The following RAB4B variants were observed in gnomAD, a reference collection of about 807,000 sequenced individuals.
RAB4B encodes the protein RAB4B, member RAS oncogene family.
Under a neutral mutation model 28.3 loss-of-function variants are expected in RAB4B, and 15 were observed. That is an observed-to-expected ratio of 0.53 (90% CI 0.35 to 0.82). The LOEUF is 0.82. Ranked by LOEUF, RAB4B falls within the 40% of genes least tolerant of loss-of-function variation. RAB4B has a pLI of 0.01. For missense variants in RAB4B, 244 were observed against 288.5 expected (o/e 0.85, Z 1.12); for synonymous variants, 108 against 116.3 (o/e 0.93, Z 0.46).
intron 5 of RAB4B, among the ~76,000 whole-genome samples, chr19:40,784,394 G>A (rs1341573118): frequency 6.6e-6 from 1 of 152,194 alleles, no homozygotes; most frequent in Non-Finnish European, 1.5e-5. Context: ...AGTGGAGGCT[G>A]AGGCAGGAGG....
intron 7 of RAB4B, chr19:40,794,403 T>G (rs1211518981): frequency 2.2e-5 from 3 of 137,474 alleles, no homozygotes. Context: ...TTTTAAATAA[T>G]GTTTTAATTT....
rs145079075 is a variant in RAB4B, at chr19:40,786,896, C to A, written c.575C>A (p.Ala192Glu). Reference sequence around the variant, plus strand: ...GGCTCTGGCATTCAGTACGGGGATGCGTCCCTCCGCCAGCTTCGGCAGCCT... The same window carrying A: ...GGCTCTGGCATTCAGTACGGGGATGAGTCCCTCCGCCAGCTTCGGCAGCCT... ...RMGSGIQYGD[A>E]SLRQLRQPRS... Residue 192 changes from alanine (A) to glutamate (E), a missense_variant, in exon 7 of 8, where the codon GCG (alanine) becomes GAG (glutamate). Transcript: ENST00000357052. 6.2e-7 allele frequency: 1 copy of A among 1,614,090 alleles called. No homozygotes were observed. Among genetic ancestry groups the A allele is most frequent in the South Asian group, 1.1e-5 (1 of 91,090 alleles).
In RAB4B at chr19:40,780,081, C is replaced by T. The variant is rs1241087753; in HGVS notation, c.79C>T (p.Gln27Ter). 6.2e-7 allele frequency: 1 copy of T among 1,611,764 alleles called. No homozygotes were observed. The highest frequency in any genetic ancestry group is 1.3e-5 in the African/African-American group (1 of 74,832). Reference protein sequence around the residue: ...AGTGKSCLLHQFIENKFKQDS... With the variant: ...AGTGKSCLLH Reference sequence around the variant, plus strand: ...AACTGGCAAATCATGTCTCCTTCATCAGTTCATTGAGAATAAGTGTGAGTT... The same window carrying T: ...AACTGGCAAATCATGTCTCCTTCATTAGTTCATTGAGAATAAGTGTGAGTT... Residue 27 changes from glutamine (Q) to a stop codon, truncating the protein, a stop_gained, in exon 2 of 8, where the codon CAG becomes TAG. Coordinates refer to ENST00000357052, the MANE Select transcript of RAB4B (RefSeq NM_016154.5). LOFTEE classifies it high-confidence loss of function.
intron 3 of RAB4B, among the ~76,000 whole-genome samples, chr19:40,783,065 G>C (rs1206003274): frequency 6.8e-6 from 1 of 147,646 alleles, no homozygotes; most frequent in Non-Finnish European, 1.5e-5. Flanking sequence ...TTGAACCCGG[G>C]AGGTGGAGGT....
At chr19:40,786,432 G>T in intron 5 of RAB4B, 1 of 540,098 alleles carries the variant, frequency 1.9e-6, no homozygotes, top group Non-Finnish European at 3.2e-6. Context: ...AGCCCAGGAA[G>T]TCAGGGAGGA....
chr19:40,780,049 G>C lies in RAB4B; in HGVS notation c.47G>C (p.Ser16Thr), dbSNP rs764996394. The C allele has an allele frequency of 3.1e-6, 5 of 1,611,174 alleles. No homozygotes were observed. The East Asian group carries it at 1.1e-4, about 36-fold the overall frequency. ...CTCTTCAAATTCCTGGTGATTGGCAGTGCAGGAACTGGCAAATCATGTCTC... is the reference window on the plus strand; with the variant it reads ...CTCTTCAAATTCCTGGTGATTGGCACTGCAGGAACTGGCAAATCATGTCTC... ...DFLFKFLVIG[S>T]AGTGKSCLLH... Residue 16 changes from serine to threonine, a missense_variant, in exon 2 of 8, where the codon AGT (serine) becomes ACT (threonine). By Grantham distance (58) the Ser-to-Thr change is moderately conservative (BLOSUM62 1). Coordinates refer to ENST00000357052, the MANE Select transcript of RAB4B (RefSeq NM_016154.5).
rs770531214 is a variant in RAB4B at position 40,786,988 on chromosome 19, T to G, written c.*15+10T>G. The stretch of plus-strand genomic sequence containing the variant: ...AGCTCTGTGGAGCCAGGTGGGACAC[T>G]GGGGGCTTTAGGGAGGCAGGGCGGC... On this transcript the variant is annotated intron_variant, in intron 7 of 7. Coordinates refer to ENST00000357052, the MANE Select transcript of RAB4B (RefSeq NM_016154.5). 2 of 1,609,556 alleles carry G rather than the reference T, an allele frequency of 1.2e-6. No homozygotes were observed. Among genetic ancestry groups the G allele is most frequent in the South Asian group, 2.2e-5 (2 of 90,890 alleles).
chr19:40,780,355 T>C (rs1434541020), intron 2 of RAB4B, 30 bp from the exon 3 acceptor site: 6 of 1,566,912 alleles, frequency 3.8e-6, no homozygotes, highest in Non-Finnish European at 5.2e-6. Context: ...TCTCTCCCTG[T>C]ACTGCCCCTT....
In RAB4B at chr19:40,783,807, C is replaced by A; in HGVS notation, c.242C>A (p.Ala81Glu). The change falls in exon 4 of 8, where the codon GCG (alanine) becomes GAG (glutamate). Residue 81 changes from alanine to glutamate, a missense_variant. Transcript: ENST00000357052. ...GTGACGCGGAGTTATTACCGAGGGG[C>A]GGCTGGAGCCCTGCTGGTGTACGAC... ...RSVTRSYYRG[A>E]AGALLVYDIT... The A allele has an allele frequency of 7.6e-7, 1 of 1,321,834 alleles. No individual in the cohort carries two copies. The highest frequency in any genetic ancestry group is 1.2e-5 in the South Asian group (1 of 82,674). 81.9% of individuals were successfully genotyped at this position (1,321,834 alleles called of 1,614,324 possible).
At chr19:40,791,201 G>C (rs73047068) in intron 7 of RAB4B, among the ~76,000 whole-genome samples, 20,939 of 151,904 alleles carry the variant, frequency 0.14, 1,645 homozygotes, top group Middle Eastern at 0.2. Flanking sequence ...TGCTCGTGAG[G>C]CTGGTCTTGA....
intron 7 of RAB4B, among the ~76,000 whole-genome samples, chr19:40,793,514 T>TA (rs1412130496): frequency 1.3e-5 from 2 of 151,854 alleles, no homozygotes; most frequent in Non-Finnish European, 2.9e-5. Flanking sequence ...GTGCTGGAAT[T>TA]ACAGGTGGGA....
intron 7 of RAB4B, among the ~76,000 whole-genome samples, chr19:40,793,367 T>C (rs1412788390): frequency 1.3e-5 from 2 of 151,864 alleles, no homozygotes; most frequent in Non-Finnish European, 2.9e-5. Flanking sequence ...CCCAAGTAAC[T>C]GGGACTACTG....
intron 3 of RAB4B, among the ~76,000 whole-genome samples, chr19:40,782,521 A>G (rs1412996303): frequency 6.6e-6 from 1 of 152,170 alleles, no homozygotes; most frequent in African/African-American, 2.4e-5. Flanking sequence ...AGAAATAGGG[A>G]ATTAAATAGG....
chr19:40,795,778 G>C (rs2083204435), intron 7 of RAB4B, among the ~76,000 whole-genome samples: 1 of 151,718 alleles, frequency 6.6e-6, no homozygotes, highest in Non-Finnish European at 1.5e-5. Flanking sequence ...TGCAATGTCA[G>C]CTCACCGTAA....
chr19:40,782,801 A>G (rs549681781), intron 3 of RAB4B, among the ~76,000 whole-genome samples: 1 of 145,312 alleles, frequency 6.9e-6, no homozygotes, highest in Non-Finnish European at 1.5e-5. Flanking sequence ...CGACAGAGCA[A>G]AACTCCATCT....
At position 40,786,834 on chromosome 19, in the gene RAB4B, C is replaced by T. The variant is rs1430235795; in HGVS notation, c.527-14C>T. On this transcript the variant is annotated splice_polypyrimidine_tract_variant and intron_variant, in intron 6 of 7. Transcript: ENST00000357052. ...CTCCAGGCAACCAATGCTGACCTCT[C>T]CCCTTCCCCACAGGCGAGCTAGACC... 2.5e-6 allele frequency: 4 copies of T among 1,614,024 alleles called. No individual in the cohort carries two copies. The African/African-American group carries it at 4.0e-5, about 16-fold the overall frequency.
chr19:40,785,404 A>G (rs2083089476), intron 5 of RAB4B: 1 of 150,884 alleles, frequency 6.6e-6, no homozygotes, highest in Non-Finnish European at 1.5e-5. Flanking sequence ...TGGGGTACTC[A>G]GGAGGTTGAG....
intron 7 of RAB4B, among the ~76,000 whole-genome samples, chr19:40,790,791 C>G (rs2083151512): frequency 6.6e-6 from 1 of 150,780 alleles, no homozygotes; most frequent in Non-Finnish European, 1.5e-5. Flanking sequence ...AAGTGAGTCT[C>G]CTGCCTCAGC....
intron 7 of RAB4B, among the ~76,000 whole-genome samples, chr19:40,793,954 C>A (rs1268898336): frequency 4.6e-5 from 7 of 151,600 alleles, no homozygotes; most frequent in Non-Finnish European, 1.0e-4. Flanking sequence ...ACCAAAAAAA[C>A]CAAAACAAAA....
Sources: gnomAD v4.1 joint callset for allele counts (sites outside exome capture counted in the v4.1 genomes callset) on GRCh38, gnomAD v4.1.1 for gene constraint, MANE v1.5 for transcripts, NCBI Gene and HGNC (gene_info 2026-07-23, HGNC 2026-07-21) for gene names.